TMEM232: variants seen among roughly 807,000 people sequenced by gnomAD.
TMEM232 encodes the protein transmembrane protein 232.
In TMEM232, 80 loss-of-function variants were observed where a neutral mutation model predicts 78.8. The observed-to-expected ratio is 1.01, with a 90% confidence interval of 0.85 to 1.22. The LOEUF (loss-of-function observed/expected upper bound fraction) is 1.22. TMEM232 is among the 50% of genes most tolerant of loss of function. The pLI, the probability that TMEM232 is intolerant of heterozygous loss-of-function variation, is 0.00. For synonymous variants in TMEM232, 297 were observed against 254.3 expected (o/e 1.17, Z -1.60); for missense variants, 881 against 742.2 (o/e 1.19, Z -2.17).
At chr5:110,403,338 C>G (rs1395717847) in intron 2 of TMEM232, among the ~76,000 whole-genome samples, 1 of 152,040 alleles carries the variant, frequency 6.6e-6, no homozygotes, top group Non-Finnish European at 1.5e-5. Flanking sequence ...TACCATCACT[C>G]TCAGCTAGAT....
chr5:110,427,193 C>A (rs1757332632), intron 12 of TMEM232, among the ~76,000 whole-genome samples: 1 of 151,856 alleles, frequency 6.6e-6, no homozygotes, highest in African/African-American at 2.4e-5. Context: ...AATCTCAAAG[C>A]AAATTCTGGT....
chr5:110,562,138 C>T lies in TMEM232; in HGVS notation c.1455+6309G>A, dbSNP rs115739853. Reference sequence around the variant, plus strand: ...AGTCGTACACTTAAGTTTTACCCAACATGAATTACCAAACAAATAAATTCA... The same window carrying T: ...AGTCGTACACTTAAGTTTTACCCAATATGAATTACCAAACAAATAAATTCA... On this transcript the variant is annotated intron_variant, in intron 11 of 13. Transcript: ENST00000455884. 3.9e-5 allele frequency among the ~76,000 whole-genome samples: 6 copies of T among 152,104 alleles called. No homozygotes were observed. In the South Asian group the frequency reaches 1.2e-3, roughly 32 times the overall value.
intron 12 of TMEM232, among the ~76,000 whole-genome samples, chr5:110,487,920 C>T (rs1764643767): frequency 6.6e-6 from 1 of 151,988 alleles, no homozygotes; most frequent in African/African-American, 2.4e-5. Flanking sequence ...AAAAGGATTG[C>T]AACCCCCATC....
intron 5 of TMEM232, among the ~76,000 whole-genome samples, chr5:110,635,333 C>G (rs980928477): frequency 6.6e-6 from 1 of 151,894 alleles, no homozygotes; most frequent in Non-Finnish European, 1.5e-5. Context: ...TAACACATTT[C>G]CCAAGGCCAG....
intron 12 of TMEM232, among the ~76,000 whole-genome samples, chr5:110,500,195 G>T (rs1283804536): frequency 1.3e-5 from 2 of 150,704 alleles, no homozygotes; most frequent in Non-Finnish European, 2.9e-5. Context: ...GGGAGGCTGA[G>T]GCAGAAGAAT....
chr5:110,661,610 C>T (rs770225310), intron 2 of TMEM232, among the ~76,000 whole-genome samples: 34 of 152,286 alleles, frequency 2.2e-4, no homozygotes, highest in Non-Finnish European at 4.6e-4. Flanking sequence ...CTCCACCATG[C>T]CTAGCCCAGA....
chr5:110,500,143 T>C (rs557563560), intron 12 of TMEM232, among the ~76,000 whole-genome samples: 624 of 151,898 alleles, frequency 4.1e-3, no homozygotes, highest in Non-Finnish European at 6.2e-3. Flanking sequence ...AATACAAAAA[T>C]TAGCCAGGTG....
At chr5:110,509,819 A>G (rs942735239) in intron 12 of TMEM232, among the ~76,000 whole-genome samples, 6 of 152,160 alleles carry the variant, frequency 3.9e-5, no homozygotes, top group African/African-American at 1.2e-4. Flanking sequence ...TTCTATCACT[A>G]TCTGAATGGG....
Position 110,570,451 on chromosome 5 carries a change from G to A in TMEM232, c.1277-1826C>T, listed in dbSNP as rs912423474. Among the ~76,000 whole-genome samples the A allele has an allele frequency of 7.2e-5, 11 of 151,896 alleles. No homozygotes were observed. The East Asian group carries it at 1.9e-3, about 27-fold the overall frequency. On this transcript the variant is annotated intron_variant, in intron 10 of 13. Coordinates refer to ENST00000455884, the MANE Select transcript of TMEM232 (RefSeq NM_001039763.4). ...TGGGACATGAGAATAATTTGTAAGA[G>A]AAATTAGAGGGTAACTGTTAAATGA...
At chr5:110,681,816 G>T (rs1275747092) in intron 1 of TMEM232, among the ~76,000 whole-genome samples, 1 of 152,060 alleles carries the variant, frequency 6.6e-6, no homozygotes, top group Non-Finnish European at 1.5e-5. Context: ...AGAGAGTCTT[G>T]AACCATCTAT....
At chr5:110,683,137 T>C (rs1792958937) in intron 1 of TMEM232, among the ~76,000 whole-genome samples, 1 of 152,150 alleles carries the variant, frequency 6.6e-6, no homozygotes, top group African/African-American at 2.4e-5. Flanking sequence ...TTTTGTGTAA[T>C]ACCCTTTTAA....
At chr5:110,448,663 G>A (rs1417677405) in intron 12 of TMEM232, among the ~76,000 whole-genome samples, 1 of 151,916 alleles carries the variant, frequency 6.6e-6, no homozygotes, top group Non-Finnish European at 1.5e-5. Flanking sequence ...AAGTGAAAAA[G>A]AAGTAAAAAT....
At chr5:110,489,523 A>G (rs771847217) in intron 12 of TMEM232, among the ~76,000 whole-genome samples, 1 of 152,114 alleles carries the variant, frequency 6.6e-6, no homozygotes. Flanking sequence ...GATAAACAGT[A>G]TATGTGAAAA....
chr5:110,460,292 A>AGTGTGTGT (rs112235101), intron 12 of TMEM232, among the ~76,000 whole-genome samples: 4 of 149,398 alleles, frequency 2.7e-5, no homozygotes, highest in African/African-American at 9.8e-5. Flanking sequence ...TGTATAAGTA[A>AGTGTGTGT]GTGTGTGTGT....
intron 1 of TMEM232, among the ~76,000 whole-genome samples, chr5:110,689,450 A>C (rs1168061352): frequency 6.6e-6 from 1 of 152,196 alleles, no homozygotes; most frequent in Non-Finnish European, 1.5e-5. Context: ...AACACAAAAC[A>C]CTAATATTCA....
chr5:110,467,900 G>C (rs951863691), intron 12 of TMEM232, among the ~76,000 whole-genome samples: 3 of 145,772 alleles, frequency 2.1e-5, no homozygotes, highest in Non-Finnish European at 4.5e-5. Context: ...TTTGTTTTGG[G>C]AATCTTCTAT....
At chr5:110,633,251 G>A (rs1785374416) in intron 5 of TMEM232, among the ~76,000 whole-genome samples, 1 of 152,134 alleles carries the variant, frequency 6.6e-6, no homozygotes, top group Non-Finnish European at 1.5e-5. Context: ...TCTAAACCTG[G>A]AAGAGGAAAG....
At chr5:110,691,112 T>C (rs769774935) in intron 1 of TMEM232, among the ~76,000 whole-genome samples, 5 of 147,166 alleles carry the variant, frequency 3.4e-5, no homozygotes, top group Non-Finnish European at 7.4e-5. Flanking sequence ...ACCCACATGT[T>C]CTGCACATGT....
At chr5:110,461,007 C>T (rs1032273014) in intron 12 of TMEM232, among the ~76,000 whole-genome samples, 20 of 151,846 alleles carry the variant, frequency 1.3e-4, no homozygotes, top group African/African-American at 3.4e-4. Flanking sequence ...TGAGGCATAA[C>T]GATATTTAAA....
Sources: allele counts gnomAD v4.1 joint callset (sites outside exome capture counted in the v4.1 genomes callset), GRCh38; gene constraint gnomAD v4.1.1; transcripts MANE v1.5; gene names NCBI Gene and HGNC (gene_info 2026-07-23, HGNC 2026-07-21).